PRPF6: variants seen among roughly 807,000 people sequenced by gnomAD.
The protein encoded by PRPF6 is pre-mRNA processing factor 6, also known as pre-mRNA-processing factor 6.
In PRPF6, 42 loss-of-function variants were observed where a neutral mutation model predicts 118.3. The ratio of observed to expected loss-of-function variants is 0.35; its 90% CI spans 0.28 to 0.46. PRPF6 has a LOEUF of 0.46. Ranked by LOEUF, PRPF6 falls within the 20% of genes least tolerant of loss-of-function variation. The pLI, the probability that PRPF6 is intolerant of heterozygous loss-of-function variation, is 1.00. For synonymous variants in PRPF6, 481 were observed against 485.1 expected (o/e 0.99, Z 0.11); for missense variants, 662 against 1,255.7 (o/e 0.53, Z 7.15).
At chr20:63,998,252 G>A (rs1056653221) in intron 6 of PRPF6, among the ~76,000 whole-genome samples, 2 of 151,340 alleles carry the variant, frequency 1.3e-5, no homozygotes, top group Non-Finnish European at 2.9e-5. Flanking sequence ...GTGCCACCAC[G>A]CCTGGCTAAT....
chr20:64,016,619 C>CTGAT, intron 11 of PRPF6, 104 bp from the exon 12 acceptor site: 1 of 1,464,696 alleles, frequency 6.8e-7, no homozygotes, highest in Non-Finnish European at 9.3e-7. Flanking sequence ...GCATCTTGTG[C>CTGAT]TGATGTCTGT....
chr20:63,981,642 C>T (rs1014488115), intron 1 of PRPF6, among the ~76,000 whole-genome samples: 4 of 130,596 alleles, frequency 3.1e-5, no homozygotes, highest in Non-Finnish European at 6.9e-5. Flanking sequence ...CGGGCTGACA[C>T]TCCCCCCCCC....
At position 64,028,085 on chromosome 20, in the gene PRPF6, G is replaced by A. The variant is rs190033351; in HGVS notation, c.2339+349G>A. On this transcript the variant is annotated intron_variant, in intron 17 of 20. Coordinates refer to ENST00000266079, the MANE Select transcript of PRPF6 (RefSeq NM_012469.4). This position sits in a 1 kb window ranked among gnomAD's most constrained non-coding sequence, Gnocchi z 6.5. ...GAGCCCTGGAGGTGGACAGGAGCCT[G>A]CTAGGTGCAGGCTCTGTTCATGGAG... Among the ~76,000 whole-genome samples, 16 of 152,304 alleles carry A rather than the reference G, an allele frequency of 1.1e-4. No homozygotes were observed. The highest frequency in any genetic ancestry group is 5.2e-4 in the Admixed American group (8 of 15,308).
At chr20:64,009,799 G>A (rs1479776903) in intron 9 of PRPF6, among the ~76,000 whole-genome samples, 3 of 152,186 alleles carry the variant, frequency 2.0e-5, no homozygotes, top group Non-Finnish European at 4.4e-5. Context: ...ATCCCCATTC[G>A]TTGGCAGTCA....
intron 9 of PRPF6, among the ~76,000 whole-genome samples, chr20:64,009,881 T>A (rs2059208155): frequency 6.6e-6 from 1 of 152,250 alleles, no homozygotes; most frequent in African/African-American, 2.4e-5. Context: ...TCATATAGTA[T>A]AAACTGTTTT....
intron 3 of PRPF6, 58 bp downstream of exon 3, chr20:63,985,083 GC>G: frequency 7.0e-7 from 1 of 1,422,800 alleles, no homozygotes; most frequent in Non-Finnish European, 9.8e-7. Flanking sequence ...AAGTTTTGTG[GC>G]CAGGCGCAGT....
intron 2 of PRPF6, among the ~76,000 whole-genome samples, chr20:63,984,529 C>T (rs180693711): frequency 6.6e-6 from 1 of 152,262 alleles, no homozygotes; most frequent in East Asian, 1.9e-4. Context: ...AAGCTTCTCC[C>T]GATGTTACAT....
At chr20:63,994,809 C>T (rs751650376) in intron 4 of PRPF6, 107 bp from the exon 5 acceptor site, 5 of 1,434,704 alleles carry the variant, frequency 3.5e-6, no homozygotes, top group African/African-American at 1.4e-5. Context: ...CAAATCCCTT[C>T]TAAAGCTTGG....
intron 3 of PRPF6, among the ~76,000 whole-genome samples, chr20:63,987,939 T>C (rs1418799601): frequency 1.3e-5 from 2 of 151,856 alleles, no homozygotes; most frequent in Non-Finnish European, 2.9e-5. Flanking sequence ...TCCCAGCACT[T>C]TGGGAGGCCG....
At chr20:63,995,253 T>A in intron 5 of PRPF6, 74 bp from the exon 6 acceptor site, 1 of 1,574,272 alleles carries the variant, frequency 6.4e-7, no homozygotes, top group South Asian at 1.1e-5. Context: ...GGGGAAGTAT[T>A]TCAGAGAGTA....
In PRPF6 at chr20:64,027,260, A is replaced by G. The variant is rs2059295273; in HGVS notation, c.2205+102A>G. 1 of 1,451,332 alleles carries G rather than the reference A, an allele frequency of 6.9e-7. No individual in the cohort carries two copies. Among genetic ancestry groups the G allele is most frequent in the South Asian group, 1.2e-5 (1 of 83,652 alleles). 89.9% of individuals were successfully genotyped at this position (1,451,332 alleles called of 1,614,324 possible). ...GCCCTTCGCCTCTGAGGAGATGTGG[A>G]GGGCTGGGGGTTACAGCTGATGGAG... On this transcript the variant is annotated intron_variant, in intron 16 of 20. Transcript: ENST00000266079. The surrounding 1 kb of genome is among the most constrained non-coding windows in gnomAD (Gnocchi z 6.5).
At chr20:64,003,231 C>T (rs949860766) in intron 9 of PRPF6, among the ~76,000 whole-genome samples, 6 of 152,212 alleles carry the variant, frequency 3.9e-5, no homozygotes, top group Non-Finnish European at 8.8e-5. Flanking sequence ...CATCAGCCGT[C>T]GCATCCAGCC....
chr20:64,023,622 T>C (rs530143798), intron 13 of PRPF6, among the ~76,000 whole-genome samples: 21 of 152,312 alleles, frequency 1.4e-4, no homozygotes, highest in African/African-American at 5.1e-4. Flanking sequence ...TTTCCATGTG[T>C]CCTCCTGAAG....
intron 12 of PRPF6, among the ~76,000 whole-genome samples, chr20:64,017,696 C>T (rs1003597530): frequency 2.0e-5 from 3 of 152,270 alleles, no homozygotes; most frequent in Admixed American, 6.5e-5. Context: ...GATTTGCTTT[C>T]TTACTCTGTT....
intron 2 of PRPF6, among the ~76,000 whole-genome samples, chr20:63,984,261 C>T (rs776034541): frequency 6.6e-6 from 1 of 152,088 alleles, no homozygotes; most frequent in East Asian, 1.9e-4. Context: ...TCTACTAAAA[C>T]TACACAAAAA....
chr20:64,020,403 G>A (rs1307288280), intron 12 of PRPF6, among the ~76,000 whole-genome samples: 1 of 151,976 alleles, frequency 6.6e-6, no homozygotes, highest in Non-Finnish European at 1.5e-5. Flanking sequence ...GTGACAAAGC[G>A]AGACTCTGTC....
At chr20:63,996,376 C>G (rs968473793) in intron 6 of PRPF6, among the ~76,000 whole-genome samples, 2 of 152,068 alleles carry the variant, frequency 1.3e-5, no homozygotes, top group African/African-American at 4.8e-5. Flanking sequence ...GTGGCACAAT[C>G]ATGGCTGGCT....
Position 64,029,787 on chromosome 20 carries a change from G to A in PRPF6, c.2546+296G>A, listed in dbSNP as rs977607361. 2.7e-5 allele frequency among the ~76,000 whole-genome samples: 3 copies of A among 111,906 alleles called. No individual in the cohort carries two copies. The highest frequency in any genetic ancestry group is 4.3e-4 in the East Asian group (1 of 2,346). 73.4% of individuals were successfully genotyped at this position (111,906 alleles called of 152,430 possible). A position where few individuals can be genotyped will look rare whatever the true frequency, so the allele number is the denominator to read the frequency against. ...TGTGATTCACACTGGTGCGCTGGCC[G>A]CCAGGTCAGAGACTCACCGGGGACG... On this transcript the variant is annotated intron_variant, in intron 19 of 20. Coordinates refer to ENST00000266079, the MANE Select transcript of PRPF6 (RefSeq NM_012469.4). The surrounding 1 kb of genome is among the most constrained non-coding windows in gnomAD (Gnocchi z 4.8).
intron 9 of PRPF6, among the ~76,000 whole-genome samples, chr20:64,001,928 C>A (rs1316884118): frequency 6.6e-6 from 1 of 151,468 alleles, no homozygotes; most frequent in Non-Finnish European, 1.5e-5. Context: ...TGAACTGGGT[C>A]CAGAACGAGT....
Sources: allele counts gnomAD v4.1 joint callset (sites outside exome capture counted in the v4.1 genomes callset), GRCh38; gene constraint gnomAD v4.1.1; non-coding constraint Gnocchi (gnomAD v3.1); transcripts MANE v1.5; gene names NCBI Gene and HGNC (gene_info 2026-07-23, HGNC 2026-07-21).